CSMD1: variants seen among roughly 807,000 people sequenced by gnomAD.
CSMD1 encodes CUB and sushi domain-containing protein 1.
In CSMD1, 213 loss-of-function variants were observed where a neutral mutation model predicts 417.5. That is an observed-to-expected ratio of 0.51 (90% CI 0.46 to 0.57). The LOEUF (loss-of-function observed/expected upper bound fraction) is 0.57. CSMD1 is among the 20% of genes least tolerant of loss of function. The pLI, the probability that CSMD1 is intolerant of heterozygous loss-of-function variation, is 0.00. For missense variants in CSMD1, 6,923 were observed against 4,529.7 expected, an observed-to-expected ratio of 1.53 and a Z score of -15.17; for synonymous variants, 2,862 against 1,736.8, an observed-to-expected ratio of 1.65 and a Z score of -16.11.
intron 5 of CSMD1, among the ~76,000 whole-genome samples, chr8:3,965,581 G>A (rs550670653): frequency 2.0e-5 from 3 of 152,042 alleles, no homozygotes; most frequent in East Asian, 1.9e-4. Flanking sequence ...AGGCCTTAGT[G>A]TTAATGGTTA....
chr8:4,161,208 T>G (rs967651147), intron 3 of CSMD1, among the ~76,000 whole-genome samples: 3 of 152,164 alleles, frequency 2.0e-5, no homozygotes, highest in African/African-American at 7.2e-5. Context: ...CTCATTTAAT[T>G]CCATGAACAA....
Position 3,059,199 on chromosome 8 carries a change from A to T in CSMD1, c.7475-6552T>A, listed in dbSNP as rs141394519. Among the ~76,000 whole-genome samples, 631 of 152,098 alleles carry T rather than the reference A, an allele frequency of 4.1e-3. 4 individuals carry two copies. Among genetic ancestry groups the T allele is most frequent in the African/African-American group, 0.014 (600 of 41,486 alleles). On this transcript the variant is annotated intron_variant, in intron 49 of 69. Coordinates refer to ENST00000635120, the MANE Select transcript of CSMD1 (RefSeq NM_033225.6). The stretch of plus-strand genomic sequence containing the variant: ...TAATAATGGCTTGTTAAGAACTAAA[A>T]AAAAATAAGGAAAAATATTAAAAGT...
intron 1 of CSMD1, among the ~76,000 whole-genome samples, chr8:4,993,605 AAGG>A: frequency 6.6e-6 from 1 of 152,202 alleles, no homozygotes; most frequent in East Asian, 1.9e-4. Flanking sequence ...ACCAGCGTAG[AAGG>A]AGGATACCCG....
intron 3 of CSMD1, among the ~76,000 whole-genome samples, chr8:4,166,050 C>T (rs975672103): frequency 1.3e-5 from 2 of 152,166 alleles, no homozygotes; most frequent in Non-Finnish European, 2.9e-5. Flanking sequence ...CATGCTCACA[C>T]TTTAATAAGT....
chr8:4,238,929 A>C (rs907792273), intron 3 of CSMD1, among the ~76,000 whole-genome samples: 3 of 152,228 alleles, frequency 2.0e-5, no homozygotes, highest in African/African-American at 7.2e-5. Context: ...AGTTCTACAT[A>C]TGATTTTCTA....
At chr8:4,269,984 T>C (rs944621170) in intron 3 of CSMD1, among the ~76,000 whole-genome samples, 7 of 152,208 alleles carry the variant, frequency 4.6e-5, no homozygotes, top group Non-Finnish European at 8.8e-5. Context: ...AATGTTGACC[T>C]GAGCTTGGGG....
At chr8:4,627,520 T>A (rs1016103136) in intron 2 of CSMD1, among the ~76,000 whole-genome samples, 2 of 152,144 alleles carry the variant, frequency 1.3e-5, no homozygotes, top group African/African-American at 2.4e-5. Flanking sequence ...TTAAATAAAA[T>A]AACTATTTCA....
At chr8:4,252,955 C>T (rs1004516784) in intron 3 of CSMD1, among the ~76,000 whole-genome samples, 4 of 152,152 alleles carry the variant, frequency 2.6e-5, no homozygotes, top group Admixed American at 2.0e-4. Context: ...TTTTAGACTG[C>T]ACTTTTCATG....
At chr8:3,922,315 T>C (rs1165260626) in intron 5 of CSMD1, among the ~76,000 whole-genome samples, 2 of 152,100 alleles carry the variant, frequency 1.3e-5, no homozygotes, top group East Asian at 3.8e-4. Context: ...TTGGATCTTA[T>C]TTATGTCAAT....
intron 7 of CSMD1, among the ~76,000 whole-genome samples, chr8:3,620,056 T>G (rs1266189756): frequency 6.6e-6 from 1 of 152,080 alleles, no homozygotes; most frequent in Admixed American, 6.6e-5. Context: ...GAGCTGAGAC[T>G]GTGCCCCTGC....
At chr8:3,032,829 C>T (rs1356777881) in intron 50 of CSMD1, among the ~76,000 whole-genome samples, 1 of 151,936 alleles carries the variant, frequency 6.6e-6, no homozygotes, top group East Asian at 1.9e-4. Context: ...ACTTGCACAC[C>T]CTTAAAAGAA....
At chr8:3,823,243 G>T (rs1035739968) in intron 5 of CSMD1, among the ~76,000 whole-genome samples, 1 of 152,120 alleles carries the variant, frequency 6.6e-6, no homozygotes, top group Non-Finnish European at 1.5e-5. Flanking sequence ...AAATAAAATA[G>T]CTGAGAACTT....
At chr8:4,058,877 G>C (rs923683180) in intron 3 of CSMD1, among the ~76,000 whole-genome samples, 6 of 151,644 alleles carry the variant, frequency 4.0e-5, no homozygotes, top group Admixed American at 1.3e-4. Context: ...ACATTAGACA[G>C]ATCAACGAGA....
At chr8:4,731,332 A>G (rs1809852097) in intron 1 of CSMD1, among the ~76,000 whole-genome samples, 1 of 152,106 alleles carries the variant, frequency 6.6e-6, no homozygotes, top group Admixed American at 6.6e-5. Flanking sequence ...CTCCCACCTC[A>G]TAAGCTTACC....
At chr8:3,984,828 G>A (rs1814197316) in intron 5 of CSMD1, among the ~76,000 whole-genome samples, 1 of 148,534 alleles carries the variant, frequency 6.7e-6, no homozygotes, top group Non-Finnish European at 1.5e-5. Flanking sequence ...AGAGGGAATG[G>A]AAGAGAAAAA....
Position 4,368,916 on chromosome 8 carries a change from T to C in CSMD1, c.415+51037A>G, listed in dbSNP as rs368954533. Among the ~76,000 whole-genome samples the C allele has an allele frequency of 8.9e-4, 136 of 152,286 alleles. 1 individual carries two copies. The South Asian group carries it at 0.024, about 27-fold the overall frequency. ...TTCAAATCATCAACTTTTGGTTTTA[T>C]TGATCTCTTATATGGATTTTAGCAG... On this transcript the variant is annotated intron_variant, in intron 3 of 69. Transcript: ENST00000635120.
At chr8:4,046,724 G>A (rs1798166327) in intron 3 of CSMD1, among the ~76,000 whole-genome samples, 1 of 152,136 alleles carries the variant, frequency 6.6e-6, no homozygotes, top group Non-Finnish European at 1.5e-5. Flanking sequence ...ATGACCTAAT[G>A]ATTTAAACTT....
intron 2 of CSMD1, among the ~76,000 whole-genome samples, chr8:4,529,545 G>C (rs370316419): frequency 6.6e-6 from 1 of 151,936 alleles, no homozygotes; most frequent in Non-Finnish European, 1.5e-5. Flanking sequence ...TTATTGACAG[G>C]GTAAATATAA....
At chr8:3,105,073 T>C (rs1816038155) in intron 46 of CSMD1, among the ~76,000 whole-genome samples, 1 of 152,244 alleles carries the variant, frequency 6.6e-6, no homozygotes, top group African/African-American at 2.4e-5. Context: ...GCGAAGTCGA[T>C]ACTTTTGCAA....
Sources: allele counts gnomAD v4.1 joint callset (sites outside exome capture counted in the v4.1 genomes callset), GRCh38; gene constraint gnomAD v4.1.1; transcripts MANE v1.5; gene names NCBI Gene and HGNC (gene_info 2026-07-23, HGNC 2026-07-21).